FHIP2A: variants seen among roughly 807,000 people sequenced by gnomAD.
The protein encoded by FHIP2A is FHF complex subunit HOOK interacting protein 2A, also known as family with sequence similarity 160 member B1.
FHIP2A carries 46 observed loss-of-function variants against 93.5 expected under a neutral mutation model. The observed-to-expected ratio is 0.49, with a 90% CI of 0.39 to 0.63. The LOEUF (loss-of-function observed/expected upper bound fraction) is 0.63. Among genes scored for constraint, FHIP2A ranks in the 20% least tolerant of loss-of-function variants. The pLI is 0.00. For missense variants in FHIP2A, 769 were observed against 909.7 expected, an observed-to-expected ratio of 0.85 and a Z score of 1.99; for synonymous variants, 332 against 326.5, an observed-to-expected ratio of 1.02 and a Z score of -0.18.
Position 114,861,242 on chromosome 10 carries a change from C to T in FHIP2A, c.2100C>T (p.Asp700=), listed in dbSNP as rs1180553831. ...CCTCTGTGATGCAGGTTGTTGGAGA[C>T]CTTATGCTTCGAATCCAGCGTATTC... The part of the protein sequence containing the change: ...LFSVIVRVVG[D]LMLRIQRIQD... The change falls in exon 16 of 17, where the codon GAC becomes GAT. Residue 700 remains aspartate (D), a synonymous_variant. Coordinates refer to ENST00000369248, the MANE Select transcript of FHIP2A (RefSeq NM_020940.4). 1 of 1,613,970 alleles carries T rather than the reference C, an allele frequency of 6.2e-7. No homozygotes were observed. The highest frequency in any genetic ancestry group is 1.3e-5 in the African/African-American group (1 of 74,904).
rs74497434 is a variant in FHIP2A, at chr10:114,864,402, T to C, written c.*2862T>C. On this transcript the variant is annotated 3_prime_UTR_variant, in exon 17 of 17. Coordinates refer to ENST00000369248, the MANE Select transcript of FHIP2A (RefSeq NM_020940.4). ...GCATGTCATTGTGACACTTTATGTGTTAAAACATGGTAGATAATCACATTT... is the reference window on the plus strand; with the variant it reads ...GCATGTCATTGTGACACTTTATGTGCTAAAACATGGTAGATAATCACATTT... The C allele has an allele frequency of 0.042, 41,337 of 985,620 alleles. 918 individuals carry two copies. The highest frequency in any genetic ancestry group is 0.047 in the Non-Finnish European group (38,582 of 829,692). The allele number at this position is 985,620 out of a possible 1,614,324, so 61.1% of individuals were successfully genotyped here.
Position 114,899,506 on chromosome 10 carries a change from TG to T in FHIP2A, c.2211del (p.Trp737CysfsTer51). 1.4e-6 allele frequency: 1 copy of T among 718,594 alleles called. No homozygotes were observed. Among genetic ancestry groups the T allele is most frequent in the Non-Finnish European group, 2.6e-6 (1 of 385,084 alleles). 44.5% of individuals were successfully genotyped at this position (718,594 alleles called of 1,614,324 possible). A position where few individuals can be genotyped will look rare whatever the true frequency, so the allele number is the denominator to read the frequency against. ...TATCCTCAGGCAGACGTTGCCTTCA[TG>T]GTGGTAAGAGGGATTCCAGAGTCTC... On this transcript the variant is annotated frameshift_variant, in exon 17 of 17. Transcript: ENST00000369250. LOFTEE classifies it high-confidence loss of function.
rs1592027306 is a variant in FHIP2A at position 114,864,027 on chromosome 10, CG to C, written c.*2488del. The C allele has an allele frequency of 3.0e-6, 3 of 995,376 alleles. No homozygotes were observed. In the East Asian group the frequency reaches 3.3e-4, roughly 111 times the overall value. The allele number at this position is 995,376 out of a possible 1,614,324, so 61.7% of individuals were successfully genotyped here. ...TCACCTTATAACTATGTAACTTTCT[CG>C]TAATGTATCTGTTTGTGCAATATGG... On this transcript the variant is annotated 3_prime_UTR_variant, in exon 17 of 17. Coordinates refer to ENST00000369248, the MANE Select transcript of FHIP2A (RefSeq NM_020940.4).
intron 1 of FHIP2A, among the ~76,000 whole-genome samples, chr10:114,829,654 T>C (rs1264020380): frequency 6.6e-6 from 1 of 152,188 alleles, no homozygotes; most frequent in Non-Finnish European, 1.5e-5. Flanking sequence ...TGACTAAGAA[T>C]GCCTAACCTC....
At chr10:114,892,000 A>G (rs545460777) in intron 16 of FHIP2A, among the ~76,000 whole-genome samples, 2 of 152,312 alleles carry the variant, frequency 1.3e-5, no homozygotes, top group South Asian at 4.1e-4. Flanking sequence ...ATAGTTCATA[A>G]ATAAGACATT....
intron 13 of FHIP2A, among the ~76,000 whole-genome samples, chr10:114,853,738 C>G (rs1370452020): frequency 2.0e-5 from 3 of 152,158 alleles, no homozygotes; most frequent in Non-Finnish European, 1.5e-5. Context: ...GTGGCTCATG[C>G]CTGTAATCCT....
chr10:114,829,233 A>T (rs1379486387), intron 1 of FHIP2A, among the ~76,000 whole-genome samples: 1 of 151,306 alleles, frequency 6.6e-6, no homozygotes, highest in Non-Finnish European at 1.5e-5. Context: ...TAAACAAGGG[A>T]TGGCTTATTC....
Position 114,843,138 on chromosome 10 carries a change from G to T in FHIP2A, c.728G>T (p.Ser243Ile). The T allele has an allele frequency of 6.2e-7, 1 of 1,614,050 alleles. No individual in the cohort carries two copies. The highest frequency in any genetic ancestry group is 8.5e-7 in the Non-Finnish European group (1 of 1,179,948). The change falls in exon 6 of 17, where the codon AGT (serine) becomes ATT (isoleucine). Residue 243 changes from serine (S) to isoleucine (I), a missense_variant. Coordinates refer to ENST00000369248, the MANE Select transcript of FHIP2A (RefSeq NM_020940.4). ...DHLSTSLDNL[S>I]VTSLPEASVV... ...CTGTCCACAAGCTTGGATAACCTCAGTGTCACCTCACTGCCAGAGGCCTCG... is the reference window on the plus strand; with the variant it reads ...CTGTCCACAAGCTTGGATAACCTCATTGTCACCTCACTGCCAGAGGCCTCG...
At chr10:114,865,539 G>A (rs568541101), downstream of FHIP2A, among the ~76,000 whole-genome samples, 3 of 152,196 alleles carry the variant, frequency 2.0e-5, no homozygotes, top group African/African-American at 7.2e-5. Context: ...AAAGATGATA[G>A]GTTGAAAGGA....
chr10:114,824,135 T>G (rs2083559750), intron 1 of FHIP2A, among the ~76,000 whole-genome samples: 1 of 152,226 alleles, frequency 6.6e-6, no homozygotes, highest in South Asian at 2.1e-4. Flanking sequence ...AACAGGGACT[T>G]GAACATCCTC....
At chr10:114,833,153 A>G (rs2083617295) in intron 2 of FHIP2A, 80 bp from the exon 3 acceptor site, 1 of 1,086,954 alleles carries the variant, frequency 9.2e-7, no homozygotes, top group Non-Finnish European at 1.3e-6. Context: ...GAATAGGAAA[A>G]GGGAAATACA....
At position 114,843,222 on chromosome 10, in the gene FHIP2A, G is replaced by A; in HGVS notation, c.812G>A (p.Ser271Asn). Residue 271 changes from serine (S) to asparagine (N), a missense_variant, in exon 6 of 17, where the codon AGT (serine) becomes AAT (asparagine). Physicochemically the swap from Ser to Asn is conservative, Grantham distance 46. Coordinates refer to ENST00000369248, the MANE Select transcript of FHIP2A (RefSeq NM_020940.4). ...LVNSLLNLTR[S>N]PDGRIAVKAC... ...AATTCTTTGTTAAATCTTACTAGAA[G>A]TCCTGTGAGTTATGGTCCTTACTTT... 1 of 1,608,558 alleles carries A rather than the reference G, an allele frequency of 6.2e-7. No individual in the cohort carries two copies. Among genetic ancestry groups the A allele is most frequent in the Non-Finnish European group, 8.5e-7 (1 of 1,175,948 alleles).
chr10:114,849,970 G>C (rs1409043678), intron 13 of FHIP2A, among the ~76,000 whole-genome samples: 1 of 152,140 alleles, frequency 6.6e-6, no homozygotes, highest in Non-Finnish European at 1.5e-5. Context: ...TTTTCTTTAT[G>C]GCTGAATAAT....
rs567020012 is a variant in FHIP2A at position 114,850,562 on chromosome 10, T to C, written c.1803+1825T>C. 9.1e-4 allele frequency among the ~76,000 whole-genome samples: 139 copies of C among 152,280 alleles called. No homozygotes were observed. In the South Asian group the frequency reaches 0.028, roughly 30 times the overall value. ...ATTTTTTAAAAAAATTATCCGTGTG[T>C]GGTGGCATGCACCTGTAGTTCCAGC... On this transcript the variant is annotated intron_variant, in intron 13 of 16. Transcript: ENST00000369248.
chr10:114,892,639 A>AAAT (rs996142024), intron 16 of FHIP2A, among the ~76,000 whole-genome samples: 26 of 152,142 alleles, frequency 1.7e-4, no homozygotes, highest in South Asian at 6.2e-4. Context: ...TTCTGTCTCA[A>AAAT]AATAATAATA....
chr10:114,863,950 A>G lies in FHIP2A; in HGVS notation c.*2410A>G. On this transcript the variant is annotated 3_prime_UTR_variant, in exon 17 of 17. Coordinates refer to ENST00000369248, the MANE Select transcript of FHIP2A (RefSeq NM_020940.4). Reference sequence around the variant, plus strand: ...GGATTTGTTTTTAGTTATGAGCCGCATTCTTTACTTGATAGAACTCAGATT... The same window carrying G: ...GGATTTGTTTTTAGTTATGAGCCGCGTTCTTTACTTGATAGAACTCAGATT... The G allele has an allele frequency of 1.9e-6, 2 of 1,058,848 alleles. No individual in the cohort carries two copies. Among genetic ancestry groups the G allele is most frequent in the Non-Finnish European group, 2.3e-6 (2 of 873,554 alleles). The allele number at this position is 1,058,848 out of a possible 1,614,324, so 65.6% of individuals were successfully genotyped here. A position where few individuals can be genotyped will look rare whatever the true frequency, so the allele number is the denominator to read the frequency against.
At chr10:114,822,691 C>T (rs926097649) in intron 1 of FHIP2A, among the ~76,000 whole-genome samples, 11 of 152,206 alleles carry the variant, frequency 7.2e-5, no homozygotes, top group African/African-American at 2.7e-4. Flanking sequence ...CTGGCTTTTG[C>T]TTTCTTGGGC....
chr10:114,846,133 C>A, intron 9 of FHIP2A, 42 bp from the exon 10 acceptor site: 1 of 1,612,146 alleles, frequency 6.2e-7, no homozygotes, highest in South Asian at 1.1e-5. Flanking sequence ...ATCACTGTGT[C>A]ATGTTATTTT....
chr10:114,841,690 C>G (rs1427418824), intron 5 of FHIP2A, among the ~76,000 whole-genome samples: 1 of 152,112 alleles, frequency 6.6e-6, no homozygotes, highest in Non-Finnish European at 1.5e-5. Context: ...CTCAATTTCT[C>G]AAGAAGATTG....
Sources: allele counts gnomAD v4.1 joint callset (sites outside exome capture counted in the v4.1 genomes callset), GRCh38; gene constraint gnomAD v4.1.1; transcripts MANE v1.5; gene names NCBI Gene and HGNC (gene_info 2026-07-23, HGNC 2026-07-21).